Variants in ANO4 observed in about 807,000 individuals in gnomAD.
The protein encoded by ANO4 is anoctamin 4, also known as anoctamin-4.
ANO4 carries 69 observed loss-of-function variants against 141.9 expected under a neutral mutation model. The ratio of observed to expected loss-of-function variants is 0.49; its 90% CI spans 0.40 to 0.59. The LOEUF (loss-of-function observed/expected upper bound fraction) is 0.59, where lower values mean the gene tolerates loss of function less well. Among genes scored for constraint, ANO4 ranks in the 20% least tolerant of loss-of-function variants. The pLI is 0.00. For synonymous variants in ANO4, 350 were observed against 394.3 expected, an observed-to-expected ratio of 0.89 and a Z score of 1.33; for missense variants, 894 against 1,162.2, an observed-to-expected ratio of 0.77 and a Z score of 3.36.
At chr12:100,935,297 A>G (rs2042240315) in intron 3 of ANO4, among the ~76,000 whole-genome samples, 1 of 152,220 alleles carries the variant, frequency 6.6e-6, no homozygotes, top group African/African-American at 2.4e-5. Flanking sequence ...AGTTTTTAGC[A>G]TGAAGGGCTG....
chr12:100,877,845 A>G (rs2039391336), intron 1 of ANO4, among the ~76,000 whole-genome samples: 2 of 152,174 alleles, frequency 1.3e-5, no homozygotes, highest in Non-Finnish European at 2.9e-5. Flanking sequence ...GTAACTTGCT[A>G]GTAATGGACA....
upstream of ANO4, among the ~76,000 whole-genome samples, chr12:100,790,340 A>G (rs954061727): frequency 9.2e-5 from 14 of 152,210 alleles, no homozygotes; most frequent in Admixed American, 1.3e-4. Context: ...TGTATTTTAG[A>G]AAGAAAATTC....
intron 1 of ANO4, among the ~76,000 whole-genome samples, chr12:100,800,572 T>C (rs1475675124): frequency 6.6e-6 from 1 of 152,258 alleles, no homozygotes. Context: ...AGATATTATT[T>C]TTAGCTTCTG....
chr12:100,964,201 C>T (rs1369112107), intron 5 of ANO4, among the ~76,000 whole-genome samples: 2 of 152,136 alleles, frequency 1.3e-5, no homozygotes. Context: ...TCTCAGCTTT[C>T]TTCTTGTGAA....
At chr12:100,871,036 C>T (rs982965109) in intron 1 of ANO4, among the ~76,000 whole-genome samples, 1 of 152,146 alleles carries the variant, frequency 6.6e-6, no homozygotes, top group African/African-American at 2.4e-5. Context: ...TACCTCTTAA[C>T]ATCACTATTT....
At chr12:100,937,088 T>A (rs1352917562) in intron 3 of ANO4, among the ~76,000 whole-genome samples, 1 of 152,198 alleles carries the variant, frequency 6.6e-6, no homozygotes, top group African/African-American at 2.4e-5. Context: ...TGAATAAGAA[T>A]CATGTTAGGA....
chr12:100,970,264 T>C (rs997451787), intron 5 of ANO4, among the ~76,000 whole-genome samples: 1 of 152,228 alleles, frequency 6.6e-6, no homozygotes, highest in Non-Finnish European at 1.5e-5. Flanking sequence ...CAGTGACCTT[T>C]GACAACCTAA....
At chr12:101,043,743 A>G (rs1222323067) in intron 13 of ANO4, 108 bp downstream of exon 13, 2 of 761,310 alleles carry the variant, frequency 2.6e-6, no homozygotes, top group South Asian at 3.2e-5. Context: ...TTTCAAGTGA[A>G]TGTTGTAGGA....
chr12:100,882,791 C>T (rs559888461), intron 1 of ANO4, among the ~76,000 whole-genome samples: 4 of 152,114 alleles, frequency 2.6e-5, no homozygotes, highest in African/African-American at 9.6e-5. Context: ...CTCTGCCTCC[C>T]GGGTTCAAGC....
At chr12:101,064,629 A>G (rs1346461492) in intron 14 of ANO4, among the ~76,000 whole-genome samples, 3 of 150,372 alleles carry the variant, frequency 2.0e-5, no homozygotes, top group Admixed American at 6.7e-5. Flanking sequence ...ACAAACCTGC[A>G]CATTCTGCAC....
At chr12:101,086,070 G>A (rs907935451) in intron 16 of ANO4, among the ~76,000 whole-genome samples, 10 of 145,392 alleles carry the variant, frequency 6.9e-5, no homozygotes, top group African/African-American at 2.5e-4. Flanking sequence ...ATGAGTAGGT[G>A]TTAACTAGGC....
chr12:100,729,360 C>CAAAAAAA (rs1156522144), intron 1 of ANO4, among the ~76,000 whole-genome samples: 844 of 22,570 alleles, frequency 0.037, 151 homozygotes, highest in South Asian at 0.11. Flanking sequence ...AACTCTGTCT[C>CAAAAAAA]AAAAAAAAAA....
chr12:101,053,378 T>C (rs1566180716), intron 14 of ANO4, among the ~76,000 whole-genome samples: 1 of 152,208 alleles, frequency 6.6e-6, no homozygotes, highest in Non-Finnish European at 1.5e-5. Context: ...ATTAGTTTCC[T>C]AGGACTGCTG....
rs186428989 is a variant in ANO4 at position 100,958,873 on chromosome 12, G to A, written c.457-12433G>A. On this transcript the variant is annotated intron_variant, in intron 5 of 27. Transcript: ENST00000392977. ...AAAAAACAAACAAACAAACAAAAAAGAAGGTGATAAATGACATGGCACAAG... is the reference window on the plus strand; with the variant it reads ...AAAAAACAAACAAACAAACAAAAAAAAAGGTGATAAATGACATGGCACAAG... Among the ~76,000 whole-genome samples the A allele has an allele frequency of 5.0e-3, 764 of 152,186 alleles. 10 individuals are homozygous for A. Among genetic ancestry groups the A allele is most frequent in the Non-Finnish European group, 4.0e-3 (271 of 67,996 alleles).
At chr12:100,954,689 G>A (rs559202049) in intron 5 of ANO4, among the ~76,000 whole-genome samples, 1 of 152,180 alleles carries the variant, frequency 6.6e-6, no homozygotes, top group Admixed American at 6.5e-5. Flanking sequence ...TACCCAGATG[G>A]TTTAAAAGTT....
chr12:100,825,901 A>T (rs2036309668), intron 1 of ANO4, among the ~76,000 whole-genome samples: 1 of 152,086 alleles, frequency 6.6e-6, no homozygotes, highest in Non-Finnish European at 1.5e-5. Context: ...ATAATATGTT[A>T]GCTATTAATT....
chr12:100,854,528 A>C (rs73159504), intron 1 of ANO4, among the ~76,000 whole-genome samples: 196 of 152,082 alleles, frequency 1.3e-3, no homozygotes, highest in Non-Finnish European at 2.3e-3. Context: ...TTTCTTAATG[A>C]ATCTTTCATA....
At position 101,043,592 on chromosome 12, in the gene ANO4, A is replaced by G; in HGVS notation, c.1208A>G (p.Tyr403Cys). ...DIIMCPVCDK[Y>C]CPFMRLSDSC... ...ATCATGTGTCCTGTGTGTGATAAAT[A>G]CTGTCCATTCATGAGGCTGTCAGAC... The change falls in exon 13 of 28, where the codon TAC (tyrosine) becomes TGC (cysteine). Residue 403 changes from tyrosine to cysteine, a missense_variant. Physicochemically the swap from Tyr to Cys is radical, Grantham distance 194. This residue lies in a region of ANO4 where 637 missense variants were observed against 909.2 expected (regional missense o/e 0.70). Transcript: ENST00000392977. 1 of 1,613,838 alleles carries G rather than the reference A, an allele frequency of 6.2e-7. No homozygotes were observed. The highest frequency in any genetic ancestry group is 8.5e-7 in the Non-Finnish European group (1 of 1,179,822).
intron 3 of ANO4, among the ~76,000 whole-genome samples, chr12:100,744,280 A>G (rs913062758): frequency 1.3e-5 from 2 of 152,192 alleles, no homozygotes; most frequent in African/African-American, 4.8e-5. Context: ...GGACTGCCAT[A>G]GCAAATATAC....
Sources: allele counts gnomAD v4.1 joint callset (sites outside exome capture counted in the v4.1 genomes callset), GRCh38; gene constraint gnomAD v4.1.1; regional missense constraint gnomAD v4.1.1; transcripts MANE v1.5; gene names NCBI Gene and HGNC (gene_info 2026-07-23, HGNC 2026-07-21).